The following NUMB variants were observed in gnomAD, a reference collection of about 807,000 sequenced individuals.
The protein encoded by NUMB is protein numb homolog.
NUMB carries 29 observed loss-of-function variants against 59.7 expected under a neutral mutation model. The ratio of observed to expected loss-of-function variants is 0.49; its 90% confidence interval spans 0.36 to 0.66. The LOEUF (loss-of-function observed/expected upper bound fraction) is 0.66, where lower values mean the gene tolerates loss of function less well. Among genes scored for constraint, NUMB ranks in the 30% least tolerant of loss-of-function variants. The probability of loss-of-function intolerance (pLI) is 0.00; values close to 1 mark genes in which losing one functional copy is unlikely to be tolerated. For synonymous variants in NUMB, 288 were observed against 288.2 expected, an observed-to-expected ratio of 1.00 and a Z score of 0.01; for missense variants, 723 against 822.0, an observed-to-expected ratio of 0.88 and a Z score of 1.47.
At chr14:73,436,889 G>C (rs907261339) in intron 1 of NUMB, among the ~76,000 whole-genome samples, 1 of 151,458 alleles carries the variant, frequency 6.6e-6, no homozygotes, top group Non-Finnish European at 1.5e-5. Flanking sequence ...TGAGGCAGGA[G>C]AATCGCTTGA....
intron 5 of NUMB, among the ~76,000 whole-genome samples, chr14:73,321,846 T>A (rs993421970): frequency 3.9e-5 from 6 of 152,112 alleles, no homozygotes; most frequent in African/African-American, 1.4e-4. Context: ...TGTCTGTATC[T>A]TTTTTTAAAA....
chr14:73,303,245 G>A (rs934351022), intron 6 of NUMB, among the ~76,000 whole-genome samples: 3 of 150,830 alleles, frequency 2.0e-5, no homozygotes, highest in Admixed American at 1.3e-4. Flanking sequence ...AGAAAAAAAA[G>A]AATTTACATA....
At chr14:73,440,284 C>T (rs28599779) in intron 1 of NUMB, among the ~76,000 whole-genome samples, 1 of 150,872 alleles carries the variant, frequency 6.6e-6, no homozygotes, top group Non-Finnish European at 1.5e-5. Flanking sequence ...TATATATACA[C>T]ATCCATATAT....
chr14:73,295,252 G>C (rs1280108917), intron 7 of NUMB, among the ~76,000 whole-genome samples: 1 of 152,026 alleles, frequency 6.6e-6, no homozygotes, highest in Non-Finnish European at 1.5e-5. Context: ...ATCCCAACAT[G>C]GTATTAGTTC....
chr14:73,448,924 G>C (rs1025166675), intron 1 of NUMB, among the ~76,000 whole-genome samples: 6 of 151,920 alleles, frequency 3.9e-5, no homozygotes, highest in African/African-American at 1.5e-4. Context: ...TAATGGCATA[G>C]TACAGTCGGT....
At chr14:73,319,382 G>A (rs565628129) in intron 5 of NUMB, among the ~76,000 whole-genome samples, 2 of 152,334 alleles carry the variant, frequency 1.3e-5, no homozygotes, top group Admixed American at 6.5e-5. Flanking sequence ...CATTCACATG[G>A]TAGGTTTAAA....
At chr14:73,378,423 C>T (rs976314912) in intron 2 of NUMB, among the ~76,000 whole-genome samples, 2 of 152,190 alleles carry the variant, frequency 1.3e-5, no homozygotes, top group African/African-American at 2.4e-5. Flanking sequence ...GAGTGGAAAA[C>T]TTATGTCCAC....
In NUMB at chr14:73,346,460, A is replaced by G. The variant is rs188896799; in HGVS notation, c.126+9166T>C. Among the ~76,000 whole-genome samples, 446 of 151,340 alleles carry G rather than the reference A, an allele frequency of 2.9e-3. 3 individuals are homozygous for G. Among genetic ancestry groups the G allele is most frequent in the African/African-American group, 0.01 (422 of 40,888 alleles). ...GCACTATTGCACTCCAGCCTGGGCA[A>G]CAAGAGTGAAACTCTGTCTCAAAAA... On this transcript the variant is annotated intron_variant, in intron 4 of 12. Transcript: ENST00000555238.
chr14:73,444,019 T>C (rs1002535114), intron 1 of NUMB, among the ~76,000 whole-genome samples: 1 of 151,460 alleles, frequency 6.6e-6, no homozygotes, highest in Non-Finnish European at 1.5e-5. Flanking sequence ...GTGATTCTCC[T>C]GCCTCAGCCT....
chr14:73,350,789 A>G (rs1566754897), intron 4 of NUMB, among the ~76,000 whole-genome samples: 1 of 149,924 alleles, frequency 6.7e-6, no homozygotes, highest in Non-Finnish European at 1.5e-5. Flanking sequence ...TTGGCCTCCC[A>G]AAGTGTTGAG....
intron 2 of NUMB, among the ~76,000 whole-genome samples, chr14:73,398,043 G>T (rs200657863): frequency 1.3e-5 from 2 of 151,982 alleles, no homozygotes; most frequent in African/African-American, 4.8e-5. Flanking sequence ...GAATCCAAGC[G>T]GAAAATAGCC....
intron 2 of NUMB, among the ~76,000 whole-genome samples, chr14:73,379,917 A>C (rs1275662364): frequency 6.6e-6 from 1 of 152,242 alleles, no homozygotes; most frequent in Non-Finnish European, 1.5e-5. Flanking sequence ...AAGCTACTAA[A>C]GGGTTCTGAG....
At chr14:73,397,473 T>C (rs1174800355) in intron 2 of NUMB, among the ~76,000 whole-genome samples, 6 of 152,290 alleles carry the variant, frequency 3.9e-5, no homozygotes, top group African/African-American at 1.4e-4. Flanking sequence ...ATTGCTAATA[T>C]CAAGCTACCA....
chr14:73,296,059 T>C (rs1227049548), intron 7 of NUMB, among the ~76,000 whole-genome samples: 1 of 152,090 alleles, frequency 6.6e-6, no homozygotes, highest in Non-Finnish European at 1.5e-5. Flanking sequence ...GTGGAGTCCA[T>C]CTTTTTTTAA....
At chr14:73,426,575 C>G (rs938542390) in intron 1 of NUMB, among the ~76,000 whole-genome samples, 7 of 152,036 alleles carry the variant, frequency 4.6e-5, no homozygotes, top group African/African-American at 1.7e-4. Flanking sequence ...GGGCCGGGCG[C>G]GGTGGCTCAG....
At chr14:73,287,464 T>C (rs1400801561) in intron 8 of NUMB, 150 bp from the exon 9 acceptor site, 4 of 668,070 alleles carry the variant, frequency 6.0e-6, no homozygotes, top group Admixed American at 2.9e-5. Context: ...CTGCAACCTC[T>C]GCCTCCGGGC....
At chr14:73,357,773 A>G (rs1163836584) in intron 3 of NUMB, among the ~76,000 whole-genome samples, 1 of 152,120 alleles carries the variant, frequency 6.6e-6, no homozygotes, top group Non-Finnish European at 1.5e-5. Context: ...AAAGAAATTA[A>G]GTAAATAAAT....
intron 4 of NUMB, among the ~76,000 whole-genome samples, chr14:73,337,958 G>A (rs1210840216): frequency 6.6e-6 from 1 of 152,044 alleles, no homozygotes; most frequent in Non-Finnish European, 1.5e-5. Context: ...ATTAATATAT[G>A]GGAACTCCAC....
chr14:73,285,509 G>C (rs997096676), intron 9 of NUMB: 1 of 150,686 alleles, frequency 6.6e-6, no homozygotes, highest in African/African-American at 2.4e-5. Flanking sequence ...ATATTTACAA[G>C]AAATGAAAAA....
Sources: gnomAD v4.1 joint callset for allele counts (sites outside exome capture counted in the v4.1 genomes callset) on GRCh38, gnomAD v4.1.1 for gene constraint, MANE v1.5 for transcripts, NCBI Gene and HGNC (gene_info 2026-07-23, HGNC 2026-07-21) for gene names.